The following PLEKHA2 variants were observed in gnomAD, a reference collection of about 807,000 sequenced individuals.
The protein encoded by PLEKHA2 is pleckstrin homology domain-containing family A member 2.
A neutral mutation model predicts 53.2 loss-of-function variants in PLEKHA2; 28 were observed. The observed-to-expected ratio is 0.53, with a 90% CI of 0.39 to 0.72. The LOEUF is 0.72. PLEKHA2 is among the 30% of genes least tolerant of loss of function. The pLI is 0.00. For missense variants in PLEKHA2, 426 were observed against 537.9 expected (o/e 0.79, Z 2.06); for synonymous variants, 193 against 196.4 (o/e 0.98, Z 0.14).
In PLEKHA2 at chr8:38,952,245, C is replaced by T. The variant is rs772580510; in HGVS notation, c.566C>T (p.Ser189Leu). 9.9e-6 allele frequency: 16 copies of T among 1,612,712 alleles called. No homozygotes were observed. The highest frequency in any genetic ancestry group is 3.3e-5 in the Admixed American group (2 of 59,820). ...LRRSQSYIPT[S>L]GCRASTGPPL... Reference sequence around the variant, plus strand: ...AGGTCTCAGAGTTACATCCCCACGTCAGGCTGCCGTGCTTCCACTGGGCCT... The same window carrying T: ...AGGTCTCAGAGTTACATCCCCACGTTAGGCTGCCGTGCTTCCACTGGGCCT... The change falls in exon 7 of 12, where the codon TCA becomes TTA. Residue 189 changes from serine (S) to leucine (L), a missense_variant. Coordinates refer to ENST00000617275, the MANE Select transcript of PLEKHA2 (RefSeq NM_021623.2).
intron 11 of PLEKHA2, 123 bp downstream of exon 11, chr8:38,968,792 T>C: frequency 2.2e-6 from 2 of 892,310 alleles, no homozygotes; most frequent in Admixed American, 2.6e-5. Flanking sequence ...AGCCCCAGGC[T>C]GTCTTGCTTG....
At chr8:38,923,605 G>A (rs919294581) in intron 2 of PLEKHA2, among the ~76,000 whole-genome samples, 2 of 152,166 alleles carry the variant, frequency 1.3e-5, no homozygotes, top group Non-Finnish European at 2.9e-5. Flanking sequence ...TACTAAATTT[G>A]TTCAGCGTGC....
chr8:38,958,305 A>G (rs1369207571), intron 10 of PLEKHA2, among the ~76,000 whole-genome samples: 1 of 150,184 alleles, frequency 6.7e-6, no homozygotes, highest in Non-Finnish European at 1.5e-5. Context: ...CCTGGGTGAC[A>G]GAGCGAGACT....
intron 3 of PLEKHA2, among the ~76,000 whole-genome samples, chr8:38,937,860 C>T (rs1469820914): frequency 6.6e-6 from 1 of 152,170 alleles, no homozygotes; most frequent in Non-Finnish European, 1.5e-5. Flanking sequence ...TGGAGGAGAG[C>T]GCTTGCCACC....
intron 10 of PLEKHA2, among the ~76,000 whole-genome samples, chr8:38,959,783 G>A (rs1043207333): frequency 6.6e-6 from 1 of 152,204 alleles, no homozygotes; most frequent in African/African-American, 2.4e-5. Flanking sequence ...AAGGGAGAGA[G>A]GACAGGTATG....
chr8:38,923,844 T>A (rs900806461), intron 2 of PLEKHA2, among the ~76,000 whole-genome samples: 2 of 152,154 alleles, frequency 1.3e-5, no homozygotes, highest in Non-Finnish European at 2.9e-5. Flanking sequence ...ACTTACTTTT[T>A]AAAATTTGTA....
intron 2 of PLEKHA2, among the ~76,000 whole-genome samples, chr8:38,924,607 C>T (rs910983159): frequency 2.6e-5 from 4 of 152,186 alleles, no homozygotes; most frequent in South Asian, 2.1e-4. Context: ...GGCTCCAGCT[C>T]TGCACATGTG....
chr8:38,903,741 A>G (rs1384459543), intron 1 of PLEKHA2, among the ~76,000 whole-genome samples: 1 of 152,202 alleles, frequency 6.6e-6, no homozygotes. Flanking sequence ...TGGATGACTC[A>G]GATGAGAGCT....
intron 1 of PLEKHA2, among the ~76,000 whole-genome samples, chr8:38,907,968 G>T (rs923784998): frequency 5.9e-5 from 9 of 152,094 alleles, no homozygotes; most frequent in African/African-American, 2.2e-4. Context: ...AGATTCTCCT[G>T]CCCTAGCCTC....
At chr8:38,967,524 C>T (rs1219982806) in intron 10 of PLEKHA2, among the ~76,000 whole-genome samples, 2 of 152,122 alleles carry the variant, frequency 1.3e-5, no homozygotes, top group Non-Finnish European at 2.9e-5. Flanking sequence ...TGTTTTTTGT[C>T]CTAATAATAG....
Position 38,904,133 on chromosome 8 carries a change from C to T in PLEKHA2, c.-24+2688C>T, listed in dbSNP as rs185794186. 4.3e-4 allele frequency among the ~76,000 whole-genome samples: 65 copies of T among 152,258 alleles called. 3 individuals carry two copies. The South Asian group carries it at 9.7e-3, about 23-fold the overall frequency. ...GGGCAGCTGAGAGGTGGGAGGGATG[C>T]GGCCCCATCCTGTCAGTAGAGGAGG... On this transcript the variant is annotated intron_variant, in intron 1 of 11. Coordinates refer to ENST00000617275, the MANE Select transcript of PLEKHA2 (RefSeq NM_021623.2).
Position 38,950,879 on chromosome 8 carries a change from C to T in PLEKHA2, c.375C>T (p.Thr125=). The T allele has an allele frequency of 6.2e-7, 1 of 1,613,962 alleles. No homozygotes were observed. Among genetic ancestry groups the T allele is most frequent in the Non-Finnish European group, 8.5e-7 (1 of 1,179,866 alleles). ...TVPKGGGLPM[T]TEVLKSLAAP... ...CCAAAGGTGGGGGCCTACCCATGAC[C>T]ACTGAAGTTCTCAAGAGCTTAGCAG... The change falls in exon 6 of 12, where the codon ACC becomes ACT. Residue 125 remains threonine, a synonymous_variant. Transcript: ENST00000617275.
intron 10 of PLEKHA2, among the ~76,000 whole-genome samples, chr8:38,966,207 G>A (rs1031563939): frequency 1.5e-4 from 23 of 151,500 alleles, no homozygotes; most frequent in African/African-American, 4.9e-4. Context: ...AGGAGGGTTT[G>A]TTTTGGGGTG....
chr8:38,940,017 C>T (rs1343836419), intron 3 of PLEKHA2, among the ~76,000 whole-genome samples: 1 of 150,484 alleles, frequency 6.6e-6, no homozygotes, highest in African/African-American at 2.5e-5. Context: ...ATCGCTGGAG[C>T]CCAGGAGTTT....
intron 2 of PLEKHA2, among the ~76,000 whole-genome samples, chr8:38,918,937 C>T (rs1564110658): frequency 6.6e-6 from 1 of 152,212 alleles, no homozygotes; most frequent in Non-Finnish European, 1.5e-5. Context: ...AGATCCAAGT[C>T]CTGGATCCAG....
At chr8:38,913,959 T>C (rs918899603) in intron 1 of PLEKHA2, among the ~76,000 whole-genome samples, 2 of 152,202 alleles carry the variant, frequency 1.3e-5, no homozygotes, top group African/African-American at 4.8e-5. Context: ...GGTGCCATAA[T>C]GGAAGGGTTG....
At chr8:38,928,503 C>T (rs1339809266) in intron 2 of PLEKHA2, among the ~76,000 whole-genome samples, 2 of 151,960 alleles carry the variant, frequency 1.3e-5, no homozygotes, top group Admixed American at 6.6e-5. Context: ...CCCGCCTTGG[C>T]CTCCCAAAGT....
intron 2 of PLEKHA2, among the ~76,000 whole-genome samples, chr8:38,928,005 G>T (rs1834318217): frequency 6.6e-6 from 1 of 151,968 alleles, no homozygotes. Context: ...TTTAGTACCT[G>T]GTTGACTGGG....
At chr8:38,918,949 C>T (rs1040436834) in intron 2 of PLEKHA2, among the ~76,000 whole-genome samples, 1 of 152,238 alleles carries the variant, frequency 6.6e-6, no homozygotes, top group African/African-American at 2.4e-5. Flanking sequence ...TGGATCCAGG[C>T]TCCAAGGCAT....
Sources: gnomAD v4.1 joint callset for allele counts (sites outside exome capture counted in the v4.1 genomes callset) on GRCh38, gnomAD v4.1.1 for gene constraint, MANE v1.5 for transcripts, NCBI Gene and HGNC (gene_info 2026-07-23, HGNC 2026-07-21) for gene names.